Variants in OLFML2A observed in about 807,000 individuals in gnomAD.
The protein encoded by OLFML2A is olfactomedin like 2A.
Under a neutral mutation model 60.9 loss-of-function variants are expected in OLFML2A, and 47 were observed. That is an observed-to-expected ratio of 0.77 (90% CI 0.61 to 0.98). The LOEUF (loss-of-function observed/expected upper bound fraction) is 0.98, where lower values mean the gene tolerates loss of function less well. Ranked by LOEUF, OLFML2A falls within the 50% of genes least tolerant of loss-of-function variation. The pLI is 0.00. For missense variants in OLFML2A, 922 were observed against 879.8 expected, an observed-to-expected ratio of 1.05 and a Z score of -0.61; for synonymous variants, 372 against 375.0, an observed-to-expected ratio of 0.99 and a Z score of 0.09.
At position 124,799,434 on chromosome 9, in the gene OLFML2A, GA is replaced by G. The variant is rs1227228408; in HGVS notation, c.614del (p.Lys205ArgfsTer58). 1 of 1,611,910 alleles carries G rather than the reference GA, an allele frequency of 6.2e-7. No homozygotes were observed. Among genetic ancestry groups the G allele is most frequent in the Non-Finnish European group, 8.5e-7 (1 of 1,179,558 alleles). On this transcript the variant is annotated frameshift_variant, in exon 4 of 8. Transcript: ENST00000373580. LOFTEE classifies it high-confidence loss of function. Reference sequence around the variant, plus strand: ...CCCGCCTGGGCCTCCAGCTGCTGCAGAAGGATGCCGCCGCCGCCCCTGCCAC... The same window carrying G: ...CCCGCCTGGGCCTCCAGCTGCTGCAGAGGATGCCGCCGCCGCCCCTGCCAC... ...LSRLGLQLLQ[K>X]DAAAAPATPA... is the part of the protein sequence containing the mutation.
chr9:124,786,841 C>A, intron 1 of OLFML2A, 134 bp from the exon 2 acceptor site: 1 of 773,650 alleles, frequency 1.3e-6, no homozygotes, highest in Non-Finnish European at 2.1e-6. Context: ...CCTCTAATTG[C>A]ACCCCCTCCT....
Position 124,787,045 on chromosome 9 carries a change from G to C in OLFML2A, c.161G>C (p.Arg54Pro). 6.2e-7 allele frequency: 1 copy of C among 1,613,986 alleles called. No individual in the cohort carries two copies. The highest frequency in any genetic ancestry group is 8.5e-7 in the Non-Finnish European group (1 of 1,180,014). The part of the protein sequence containing the change: ...GSDCRCKCIM[R>P]PLSKDACSRV... ...GACTGCCGTTGCAAGTGCATCATGC[G>C]GCCCCTGAGCAAGGACGCGTGTAGC... is the stretch of plus-strand genomic sequence containing the variant. The change falls in exon 2 of 8, where the codon CGG becomes CCG. Residue 54 changes from arginine to proline, a missense_variant. Arg to Pro is a moderately radical substitution (Grantham distance 103). Coordinates refer to ENST00000373580, the MANE Select transcript of OLFML2A (RefSeq NM_182487.4).
chr9:124,786,187 T>C (rs561669541), intron 1 of OLFML2A, among the ~76,000 whole-genome samples: 1 of 151,750 alleles, frequency 6.6e-6, no homozygotes, highest in Admixed American at 6.6e-5. Context: ...CTTTGGGAGA[T>C]GGAAGAGGGA....
At chr9:124,789,925 C>T (rs1841541749) in intron 2 of OLFML2A, among the ~76,000 whole-genome samples, 1 of 152,216 alleles carries the variant, frequency 6.6e-6, no homozygotes, top group African/African-American at 2.4e-5. Context: ...GGCCAGTCTT[C>T]AGTTACAGGA....
Position 124,783,715 on chromosome 9 carries a change from G to A in OLFML2A, c.91-3260G>A, listed in dbSNP as rs930149123. Among the ~76,000 whole-genome samples, 24 of 152,130 alleles carry A rather than the reference G, an allele frequency of 1.6e-4. 1 individual carries two copies. The highest frequency in any genetic ancestry group is 1.9e-4 in the East Asian group (1 of 5,194). On this transcript the variant is annotated intron_variant, in intron 1 of 7. Transcript: ENST00000373580. ...AAAATGCAGGCTCATTTACCCAACA[G>A]ATATTTACAGAGCTCCTACTGCAGG...
chr9:124,787,157 C>T lies in OLFML2A; in HGVS notation c.273C>T (p.Thr91=), dbSNP rs769908690. 6.2e-7 allele frequency: 1 copy of T among 1,614,158 alleles called. No homozygotes were observed. The change falls in exon 2 of 8, where the codon ACC becomes ACT. Residue 91 remains threonine (T), a synonymous_variant. Coordinates refer to ENST00000373580, the MANE Select transcript of OLFML2A (RefSeq NM_182487.4). The part of the protein sequence containing the change: ...SSGTDCRCSC[T]APPSSLNPCE... Reference sequence around the variant, plus strand: ...GCACTGACTGCCGCTGCTCCTGTACCGCACCTCCCTCCTCTCTCAACCCCT... The same window carrying T: ...GCACTGACTGCCGCTGCTCCTGTACTGCACCTCCCTCCTCTCTCAACCCCT...
At chr9:124,806,892 G>A (rs1229048171) in intron 6 of OLFML2A, among the ~76,000 whole-genome samples, 3 of 151,810 alleles carry the variant, frequency 2.0e-5, no homozygotes, top group Non-Finnish European at 4.4e-5. Context: ...ACAGGCATGA[G>A]CCACCGCGCC....
At chr9:124,785,654 C>A (rs1841456765) in intron 1 of OLFML2A, among the ~76,000 whole-genome samples, 1 of 151,974 alleles carries the variant, frequency 6.6e-6, no homozygotes, top group Non-Finnish European at 1.5e-5. Context: ...CCTGCCTCGG[C>A]CTCCCAAAGT....
intron 2 of OLFML2A, among the ~76,000 whole-genome samples, chr9:124,792,329 C>T (rs1304146097): frequency 2.0e-5 from 3 of 152,078 alleles, no homozygotes; most frequent in Non-Finnish European, 2.9e-5. Flanking sequence ...ACCTGTGCCC[C>T]GATCTAGGCT....
chr9:124,813,672 A>G lies in OLFML2A; in HGVS notation c.*3260A>G, dbSNP rs1408626763. ...CATAAAAAGCCTGAATGCCAAGCCAAGGAGTGGATGCCTCCAGTCATATTT... is the reference window on the plus strand; with the variant it reads ...CATAAAAAGCCTGAATGCCAAGCCAGGGAGTGGATGCCTCCAGTCATATTT... On this transcript the variant is annotated 3_prime_UTR_variant, in exon 8 of 8. Transcript: ENST00000373580. The G allele has an allele frequency of 6.6e-6, 1 of 152,240 alleles. No individual in the cohort carries two copies. Among genetic ancestry groups the G allele is most frequent in the Non-Finnish European group, 1.5e-5 (1 of 68,056 alleles). 9.4% of individuals were successfully genotyped at this position (152,240 alleles called of 1,614,324 possible).
At chr9:124,794,334 G>A (rs1841624215) in intron 2 of OLFML2A, among the ~76,000 whole-genome samples, 2 of 152,196 alleles carry the variant, frequency 1.3e-5, no homozygotes, top group African/African-American at 4.8e-5. Flanking sequence ...CACAGATGCA[G>A]GCACATGGAA....
rs745323595 is a variant in OLFML2A at position 124,807,834 on chromosome 9, C to T, written c.1222C>T (p.His408Tyr). 1.4e-5 allele frequency: 23 copies of T among 1,613,918 alleles called. No homozygotes were observed. Among genetic ancestry groups the T allele is most frequent in the South Asian group, 6.6e-5 (6 of 91,094 alleles). ...TLRAVDPPVRHHSYGRHEGAW... is the reference protein window; with the variant it reads ...TLRAVDPPVRYHSYGRHEGAW... ...CCGGGCTGTGGACCCCCCTGTGAGG[C>T]ACCACAGCTATGGGCGCCACGAGGG... Residue 408 changes from histidine (H) to tyrosine (Y), a missense_variant, in exon 7 of 8, where the codon CAC (histidine) becomes TAC (tyrosine). Transcript: ENST00000373580.
At chr9:124,778,346 G>T (rs1841297788) in intron 1 of OLFML2A, among the ~76,000 whole-genome samples, 1 of 150,520 alleles carries the variant, frequency 6.6e-6, no homozygotes, top group Non-Finnish European at 1.5e-5. Context: ...GGGCGACAGA[G>T]CGAGACTCCG....
chr9:124,791,897 A>G (rs1481793324), intron 2 of OLFML2A, among the ~76,000 whole-genome samples: 1 of 152,224 alleles, frequency 6.6e-6, no homozygotes. Context: ...TAATGACTGT[A>G]TCACAGGCTG....
intron 7 of OLFML2A, 87 bp from the exon 8 acceptor site, chr9:124,809,721 C>A: frequency 6.8e-7 from 1 of 1,467,458 alleles, no homozygotes; most frequent in Non-Finnish European, 9.2e-7. Context: ...ACTTACTGGG[C>A]CACTGAGAGC....
intron 1 of OLFML2A, among the ~76,000 whole-genome samples, chr9:124,781,838 A>G (rs1841365714): frequency 6.6e-6 from 1 of 151,968 alleles, no homozygotes; most frequent in Non-Finnish European, 1.5e-5. Flanking sequence ...AGTTGCTGGA[A>G]CATTTCACAG....
intron 5 of OLFML2A, 106 bp from the exon 6 acceptor site, chr9:124,803,988 C>CT (rs1198599358): frequency 1.5e-5 from 20 of 1,330,176 alleles, no homozygotes; most frequent in Non-Finnish European, 1.0e-6. Context: ...AGGCCTCCCC[C>CT]TCCACTCCCT....
Position 124,810,486 on chromosome 9 carries a change from C to G in OLFML2A, c.*74C>G, listed in dbSNP as rs1371597630. 1 of 1,426,406 alleles carries G rather than the reference C, an allele frequency of 7.0e-7. No homozygotes were observed. The highest frequency in any genetic ancestry group is 9.3e-7 in the Non-Finnish European group (1 of 1,069,682). 88.4% of individuals were successfully genotyped at this position (1,426,406 alleles called of 1,614,324 possible). ...TGCACAGCAGCTCCTGCAACTGACC[C>G]AGTCCGCAAATATTTATTGGGGGCC... is the stretch of plus-strand genomic sequence containing the variant. On this transcript the variant is annotated 3_prime_UTR_variant, in exon 8 of 8. Coordinates refer to ENST00000373580, the MANE Select transcript of OLFML2A (RefSeq NM_182487.4).
At chr9:124,795,764 C>CAA (rs1468527704) in intron 3 of OLFML2A, among the ~76,000 whole-genome samples, 1 of 152,148 alleles carries the variant, frequency 6.6e-6, no homozygotes, top group African/African-American at 2.4e-5. Flanking sequence ...AAGACTGTCT[C>CAA]AAAATAAAAA....
Sources: allele counts gnomAD v4.1 joint callset (sites outside exome capture counted in the v4.1 genomes callset), GRCh38; gene constraint gnomAD v4.1.1; transcripts MANE v1.5; gene names NCBI Gene and HGNC (gene_info 2026-07-23, HGNC 2026-07-21).